APOOL: variants seen among roughly 807,000 people sequenced by gnomAD.
APOOL encodes the protein apolipoprotein O like, also known as MICOS complex subunit MIC27.
A neutral mutation model predicts 23.1 loss-of-function variants in APOOL; 12 were observed. The observed-to-expected ratio is 0.52, with a 90% CI of 0.33 to 0.84. APOOL has a LOEUF of 0.84. Among genes scored for constraint, APOOL ranks in the 40% least tolerant of loss-of-function variants. APOOL has a pLI of 0.02. For missense variants in APOOL, 212 were observed against 199.6 expected (o/e 1.06, Z -0.37); for synonymous variants, 77 against 69.9 (o/e 1.10, Z -0.51).
intron 1 of APOOL, among the ~76,000 whole-genome samples, chrX:85,034,247 T>C (rs996031891): frequency 3.6e-5 from 4 of 111,683 alleles, no homozygotes; most frequent in African/African-American, 1.3e-4. Flanking sequence ...GAATGACTTT[T>C]TTTCTCCTCT....
At chrX:85,028,409 G>C (rs1921913358) in intron 1 of APOOL, among the ~76,000 whole-genome samples, 1 of 110,780 alleles carries the variant, frequency 9.0e-6, no homozygotes, top group Admixed American at 9.6e-5. Flanking sequence ...AAGTTTTGTA[G>C]GTACATAGTA....
At chrX:85,072,174 G>A (rs1331202904) in intron 6 of APOOL, among the ~76,000 whole-genome samples, 2 of 111,900 alleles carry the variant, frequency 1.8e-5, no homozygotes, top group African/African-American at 3.2e-5. Flanking sequence ...TGCCCTCTGG[G>A]AAAATGAAAA....
intron 1 of APOOL, 67 bp from the exon 2 acceptor site, chrX:85,046,379 A>G: frequency 1.1e-6 from 1 of 898,372 alleles, no homozygotes; most frequent in Non-Finnish European, 1.6e-6. Context: ...TTCCTCCAGT[A>G]TTTATTAGGA....
intron 3 of APOOL, among the ~76,000 whole-genome samples, chrX:85,052,077 A>G (rs1267102126): frequency 8.9e-6 from 1 of 112,051 alleles, no homozygotes; most frequent in Non-Finnish European, 1.9e-5. Flanking sequence ...GTAGCAGCAA[A>G]TAATTTGTGG....
At chrX:85,017,142 G>T (rs956367628) in intron 1 of APOOL, among the ~76,000 whole-genome samples, 3 of 111,976 alleles carry the variant, frequency 2.7e-5, no homozygotes, top group Non-Finnish European at 5.6e-5. Context: ...TTATTAAGTG[G>T]ATCTGAGCTT....
At position 85,024,841 on chromosome X, in the gene APOOL, C is replaced by T. The variant is rs192119030; in HGVS notation, c.15+20914C>T. Among the ~76,000 whole-genome samples the T allele has an allele frequency of 6.2e-3, 692 of 112,125 alleles. 5 individuals carry two copies. Among genetic ancestry groups the T allele is most frequent in the African/African-American group, 0.022 (666 of 30,860 alleles). ...TCCATCTGGAATATCTCTTTTAGCT[C>T]GGGGAATTGGGAAAGATGAGAGTTG... On this transcript the variant is annotated intron_variant, in intron 1 of 8. Transcript: ENST00000373173.
chrX:85,067,057 T>C, intron 5 of APOOL, 70 bp from the exon 6 acceptor site: 1 of 679,975 alleles, frequency 1.5e-6, no homozygotes, highest in East Asian at 3.6e-5. Flanking sequence ...AAAGAAAGCA[T>C]TACGGTATAA....
intron 5 of APOOL, among the ~76,000 whole-genome samples, chrX:85,066,636 T>TG (rs1923468252): frequency 9.0e-6 from 1 of 111,187 alleles, no homozygotes; most frequent in African/African-American, 3.3e-5. Flanking sequence ...ATGAAGGAGT[T>TG]ATGTACCTGT....
intron 3 of APOOL, 27 bp from the exon 4 acceptor site, chrX:85,054,317 G>C (rs368771746): frequency 6.0e-6 from 7 of 1,166,142 alleles, no homozygotes; most frequent in Non-Finnish European, 8.0e-6. Flanking sequence ...AAATGCAGAT[G>C]TCTTCCCCCC....
At chrX:85,005,928 A>G (rs1315449644) in intron 1 of APOOL, among the ~76,000 whole-genome samples, 1 of 112,151 alleles carries the variant, frequency 8.9e-6, no homozygotes, top group Non-Finnish European at 1.9e-5. Flanking sequence ...TTCATTGAGA[A>G]GAAGAGAGTT....
chrX:85,088,316 G>GTTTTTTTTTTTTTTTTTTTTTTTT lies in APOOL; in HGVS notation c.*644_*667dup, dbSNP rs766497759. 2 of 22,533 alleles carry GTTTTTTTTTTTTTTTTTTTTTTTT rather than the reference G, an allele frequency of 8.9e-5. 1 individual carries two copies. Among genetic ancestry groups the GTTTTTTTTTTTTTTTTTTTTTTTT allele is most frequent in the African/African-American group, 3.1e-4 (2 of 6,407 alleles). The allele number at this position is 22,533 out of a possible 1,213,427, so 1.9% of individuals were successfully genotyped here. A position where few individuals can be genotyped will look rare whatever the true frequency, so the allele number is the denominator to read the frequency against. On this transcript the variant is annotated 3_prime_UTR_variant, in exon 9 of 9. Transcript: ENST00000373173. ...TGTATGGAAAGGTGTGTTTCCCTCT[G>GTTTTTTTTTTTTTTTTTTTTTTTT]TTTTTTTTTTTTTTTTTTTTTTTTT...
At chrX:85,015,027 T>G (rs1210882158) in intron 1 of APOOL, among the ~76,000 whole-genome samples, 2 of 110,861 alleles carry the variant, frequency 1.8e-5, no homozygotes, top group African/African-American at 3.3e-5. Flanking sequence ...TTAGATTGCT[T>G]TTTCCTTGTC....
chrX:85,083,176 A>C (rs903671617), intron 8 of APOOL, among the ~76,000 whole-genome samples: 1 of 111,276 alleles, frequency 9.0e-6, no homozygotes, highest in African/African-American at 3.3e-5. Flanking sequence ...TTTTATACAT[A>C]ATGTCCAGTA....
At chrX:85,005,404 C>G (rs1414874736) in intron 1 of APOOL, among the ~76,000 whole-genome samples, 1 of 33,424 alleles carries the variant, frequency 3.0e-5, no homozygotes, top group Non-Finnish European at 7.7e-5. Flanking sequence ...ACCCCCCCCC[C>G]CCCCCGGGCC....
intron 6 of APOOL, among the ~76,000 whole-genome samples, chrX:85,068,190 CTTAAA>C (rs1395372954): frequency 9.0e-6 from 1 of 111,163 alleles, no homozygotes; most frequent in African/African-American, 3.3e-5. Flanking sequence ...GAATTAACCA[CTTAAA>C]TTAATAAAAT....
At chrX:85,074,799 G>C (rs2147662365) in intron 8 of APOOL, among the ~76,000 whole-genome samples, 1 of 110,402 alleles carries the variant, frequency 9.1e-6, no homozygotes, top group African/African-American at 3.3e-5. Flanking sequence ...TCAATCTTAA[G>C]ACTTTTATTT....
At chrX:85,075,087 T>C (rs1399446322) in intron 8 of APOOL, among the ~76,000 whole-genome samples, 4 of 110,895 alleles carry the variant, frequency 3.6e-5, no homozygotes, top group Non-Finnish European at 1.9e-5. Context: ...TATAGATATC[T>C]ATATAATTAC....
intron 8 of APOOL, among the ~76,000 whole-genome samples, chrX:85,077,502 T>G (rs1323532175): frequency 9.0e-6 from 1 of 111,485 alleles, no homozygotes; most frequent in Non-Finnish European, 1.9e-5. Flanking sequence ...TAATCCAGTC[T>G]ATCATTGATG....
intron 3 of APOOL, among the ~76,000 whole-genome samples, chrX:85,051,758 A>G (rs1922789518): frequency 8.9e-6 from 1 of 111,837 alleles, no homozygotes; most frequent in African/African-American, 3.3e-5. Context: ...ACAGTCCAAG[A>G]CAGCTTTATT....
Sources: gnomAD v4.1 joint callset for allele counts (sites outside exome capture counted in the v4.1 genomes callset) on GRCh38, gnomAD v4.1.1 for gene constraint, MANE v1.5 for transcripts, NCBI Gene and HGNC (gene_info 2026-07-23, HGNC 2026-07-21) for gene names.